SMG6: variants seen among roughly 807,000 people sequenced by gnomAD.
SMG6 encodes the protein telomerase-binding protein EST1A.
SMG6 carries 66 observed loss-of-function variants against 142.2 expected under a neutral mutation model. The observed-to-expected ratio is 0.46, with a 90% CI of 0.38 to 0.57. The LOEUF is 0.57. Among genes scored for constraint, SMG6 ranks in the 20% least tolerant of loss-of-function variants. SMG6 has a pLI of 0.00. For synonymous variants in SMG6, 779 were observed against 702.4 expected (o/e 1.11, Z -1.72); for missense variants, 1,793 against 1,832.0 (o/e 0.98, Z 0.39).
At chr17:2,269,378 T>C (rs948355116) in intron 8 of SMG6, among the ~76,000 whole-genome samples, 1 of 142,288 alleles carries the variant, frequency 7.0e-6, no homozygotes, top group Admixed American at 7.0e-5. Flanking sequence ...GGTGACAGCA[T>C]GAGACTCTGT....
At chr17:2,274,799 G>A (rs948920320) in intron 8 of SMG6, among the ~76,000 whole-genome samples, 1 of 152,096 alleles carries the variant, frequency 6.6e-6, no homozygotes, top group African/African-American at 2.4e-5. Context: ...ATCATTCCAC[G>A]GCAGGAAGAC....
chr17:2,120,841 G>A (rs1014498912), intron 13 of SMG6, among the ~76,000 whole-genome samples: 4 of 152,208 alleles, frequency 2.6e-5, no homozygotes, highest in Non-Finnish European at 5.9e-5. Flanking sequence ...AATGGGAAGT[G>A]TCATAATTGT....
chr17:2,181,474 G>A (rs1289672723), intron 12 of SMG6, among the ~76,000 whole-genome samples: 1 of 152,358 alleles, frequency 6.6e-6, no homozygotes, highest in Admixed American at 6.5e-5. Flanking sequence ...AAGAAAGAGA[G>A]CACAGAAGGA....
intron 6 of SMG6, among the ~76,000 whole-genome samples, chr17:2,289,567 A>G (rs769104719): frequency 1.1e-4 from 17 of 152,094 alleles, no homozygotes; most frequent in Non-Finnish European, 2.4e-4. Context: ...TTAAATATAT[A>G]TACACACATA....
At chr17:2,205,740 T>C (rs1280025102) in intron 10 of SMG6, among the ~76,000 whole-genome samples, 4 of 152,200 alleles carry the variant, frequency 2.6e-5, no homozygotes, top group African/African-American at 9.7e-5. Flanking sequence ...ATGGACTCTA[T>C]GCAAGAGATA....
At chr17:2,063,584 C>T (rs968519850) in intron 18 of SMG6, among the ~76,000 whole-genome samples, 2 of 152,236 alleles carry the variant, frequency 1.3e-5, no homozygotes, top group African/African-American at 4.8e-5. Flanking sequence ...TGGGGCCCAG[C>T]AGTCCTGGAA....
intron 8 of SMG6, chr17:2,280,521 C>T (rs952510664): frequency 1.2e-6 from 1 of 867,682 alleles, no homozygotes; most frequent in Non-Finnish European, 1.4e-6. Context: ...CCTCGGCCTC[C>T]TAAAGTGCTG....
chr17:2,117,681 T>C (rs1690460434), intron 13 of SMG6: 1 of 152,206 alleles, frequency 6.6e-6, no homozygotes, highest in Non-Finnish European at 1.5e-5. Context: ...AAAAATGTTG[T>C]TAAGATGTCA....
intron 8 of SMG6, among the ~76,000 whole-genome samples, chr17:2,260,763 G>C (rs1412281078): frequency 6.6e-6 from 1 of 152,142 alleles, no homozygotes; most frequent in Non-Finnish European, 1.5e-5. Flanking sequence ...GGGAGGCCGA[G>C]GTGGGTGGAT....
chr17:2,233,849 C>T (rs1417539852), intron 10 of SMG6, among the ~76,000 whole-genome samples: 1 of 152,192 alleles, frequency 6.6e-6, no homozygotes, highest in Non-Finnish European at 1.5e-5. Context: ...GCAGCCCACA[C>T]AGCGGGGTCT....
At chr17:2,096,308 A>G (rs774353993) in intron 13 of SMG6, among the ~76,000 whole-genome samples, 1 of 152,206 alleles carries the variant, frequency 6.6e-6, no homozygotes, top group Non-Finnish European at 1.5e-5. Flanking sequence ...CCTGGGTTCA[A>G]GTGATTCTCG....
At chr17:2,164,940 G>GA (rs111948381) in intron 13 of SMG6, among the ~76,000 whole-genome samples, 57 of 145,144 alleles carry the variant, frequency 3.9e-4, no homozygotes, top group East Asian at 6.0e-4. Flanking sequence ...CCATCTCAAG[G>GA]AAAAAAAAAA....
intron 9 of SMG6, among the ~76,000 whole-genome samples, chr17:2,242,423 G>A (rs1475633180): frequency 6.7e-6 from 1 of 149,502 alleles, no homozygotes; most frequent in Non-Finnish European, 1.5e-5. Flanking sequence ...CCAGCTACTC[G>A]GGAGGCTGAG....
chr17:2,186,909 C>G (rs939765122), intron 11 of SMG6, 78 bp from the exon 12 acceptor site: 4 of 1,509,902 alleles, frequency 2.6e-6, no homozygotes, highest in African/African-American at 1.4e-5. Flanking sequence ...GGGACGGCAG[C>G]AAGCTCTTAG....
At chr17:2,063,827 G>A (rs1451650269) in intron 18 of SMG6, among the ~76,000 whole-genome samples, 1 of 152,172 alleles carries the variant, frequency 6.6e-6, no homozygotes, top group African/African-American at 2.4e-5. Context: ...GTGGGCAGAG[G>A]GGAGAAGAAG....
intron 10 of SMG6, among the ~76,000 whole-genome samples, chr17:2,201,760 A>C (rs1235796094): frequency 6.6e-6 from 1 of 152,016 alleles, no homozygotes; most frequent in Non-Finnish European, 1.5e-5. Context: ...GCGGTGGCTC[A>C]TGGCTGTAAT....
intron 9 of SMG6, among the ~76,000 whole-genome samples, chr17:2,239,007 AC>A (rs1252087513): frequency 1.3e-5 from 2 of 151,994 alleles, no homozygotes; most frequent in African/African-American, 4.8e-5. Context: ...AAAGAGAGGA[AC>A]CCTCCTCAGG....
intron 13 of SMG6, among the ~76,000 whole-genome samples, chr17:2,158,643 C>T (rs1359545298): frequency 3.3e-5 from 5 of 152,132 alleles, no homozygotes; most frequent in East Asian, 1.9e-4. Flanking sequence ...GAAGGCTAAG[C>T]GCCGTGGCTC....
At chr17:2,279,830 AT>A (rs2074745216) in intron 8 of SMG6, among the ~76,000 whole-genome samples, 1 of 152,214 alleles carries the variant, frequency 6.6e-6, no homozygotes, top group Non-Finnish European at 1.5e-5. Flanking sequence ...TCCATGCCTC[AT>A]CCACATTTTC....
Sources: gnomAD v4.1 joint callset for allele counts (sites outside exome capture counted in the v4.1 genomes callset) on GRCh38, gnomAD v4.1.1 for gene constraint, MANE v1.5 for transcripts, NCBI Gene and HGNC (gene_info 2026-07-23, HGNC 2026-07-21) for gene names.